NECTIN3: variants seen among roughly 807,000 people sequenced by gnomAD.
The protein encoded by NECTIN3 is nectin cell adhesion molecule 3, also known as nectin-3.
NECTIN3 carries 8 observed loss-of-function variants against 49.4 expected under a neutral mutation model. The ratio of observed to expected loss-of-function variants is 0.16; its 90% CI spans 0.10 to 0.29. The LOEUF is 0.29. NECTIN3 is among the 10% of genes least tolerant of loss of function. NECTIN3 has a pLI of 1.00. For missense variants in NECTIN3, 581 were observed against 654.6 expected (o/e 0.89, Z 1.23); for synonymous variants, 277 against 241.1 (o/e 1.15, Z -1.38).
upstream of NECTIN3, among the ~76,000 whole-genome samples, chr3:111,191,873 C>G (rs922081146): frequency 2.6e-5 from 4 of 152,114 alleles, no homozygotes; most frequent in East Asian, 1.9e-4. Flanking sequence ...GCTCTGTAGC[C>G]CAGGCTAGAG....
At chr3:111,101,239 A>C (rs770016244) in intron 1 of NECTIN3, among the ~76,000 whole-genome samples, 38 of 152,254 alleles carry the variant, frequency 2.5e-4, no homozygotes, top group Non-Finnish European at 3.7e-4. Context: ...TTGGTTGGTT[A>C]AATCAAGATA....
chr3:111,157,083 C>T (rs2035112460), intron 7 of NECTIN3, among the ~76,000 whole-genome samples: 1 of 152,112 alleles, frequency 6.6e-6, no homozygotes, highest in South Asian at 2.1e-4. Flanking sequence ...AAATGTTAAT[C>T]TTCAAATTCA....
chr3:111,162,063 T>A (rs2035223276), intron 7 of NECTIN3, among the ~76,000 whole-genome samples: 1 of 152,126 alleles, frequency 6.6e-6, no homozygotes, highest in African/African-American at 2.4e-5. Flanking sequence ...TCCCAACCCC[T>A]TAGGATCCCT....
At chr3:111,114,797 CATGG>C (rs1233340213) in intron 2 of NECTIN3, among the ~76,000 whole-genome samples, 2 of 152,004 alleles carry the variant, frequency 1.3e-5, no homozygotes, top group African/African-American at 4.8e-5. Flanking sequence ...TCCCTTTATA[CATGG>C]ATTTTTTTTT....
At chr3:111,091,798 A>C (rs1308946688) in intron 1 of NECTIN3, among the ~76,000 whole-genome samples, 1 of 152,066 alleles carries the variant, frequency 6.6e-6, no homozygotes, top group African/African-American at 2.4e-5. Context: ...ATATATTTTT[A>C]TTTCACTTGG....
chr3:111,085,021 T>G (rs1462367135), intron 1 of NECTIN3, among the ~76,000 whole-genome samples: 1 of 152,226 alleles, frequency 6.6e-6, no homozygotes, highest in Non-Finnish European at 1.5e-5. Flanking sequence ...TAGTTTCTGG[T>G]TGTGGCTGTG....
chr3:111,147,452 T>TC lies in NECTIN3; in HGVS notation c.1193dup (p.Pro399ThrfsTer11). ...ACCACCTCCTCTGTATGAAGAACGA[T>TC]CCCCACCTTTGCCTCAGAAAGACCT... On this transcript the variant is annotated frameshift_variant, in exon 7 of 9. Coordinates refer to the NECTIN3 transcript ENST00000493615. LOFTEE classifies it high-confidence loss of function. The TC allele has an allele frequency of 6.5e-7, 1 of 1,532,950 alleles. No individual in the cohort carries two copies. The highest frequency in any genetic ancestry group is 2.5e-5 in the East Asian group (1 of 40,764). The allele number at this position is 1,532,950 out of a possible 1,614,324, so 95.0% of individuals were successfully genotyped here.
chr3:111,072,427 A>C, intron 1 of NECTIN3: 7 of 1,531,076 alleles, frequency 4.6e-6, no homozygotes, highest in Non-Finnish European at 5.2e-6. Flanking sequence ...CGGATGGCCG[A>C]GGGTTGGCGA....
At chr3:111,137,769 C>CTTTTTTTTT (rs3081495), downstream of NECTIN3, among the ~76,000 whole-genome samples, 2 of 100,038 alleles carry the variant, frequency 2.0e-5, no homozygotes, top group African/African-American at 3.6e-5. Context: ...AAATTTTTTC[C>CTTTTTTTTT]TTTTTTTTTT....
chr3:111,192,471 T>A, intron 1 of NECTIN3: 1 of 1,403,718 alleles, frequency 7.1e-7, no homozygotes, highest in Non-Finnish European at 9.7e-7. Context: ...ACGTGCTTAT[T>A]AAAATATCAT....
At chr3:111,191,586 A>G (rs1259481967), upstream of NECTIN3, among the ~76,000 whole-genome samples, 1 of 151,286 alleles carries the variant, frequency 6.6e-6, no homozygotes, top group Non-Finnish European at 1.5e-5. Flanking sequence ...TCCCTTTGTA[A>G]TCTGTGTGGG....
At chr3:111,183,686 A>G (rs2035668968) in intron 7 of NECTIN3, among the ~76,000 whole-genome samples, 1 of 151,498 alleles carries the variant, frequency 6.6e-6, no homozygotes. Flanking sequence ...TTATAGTTTT[A>G]TTGTCTTCTG....
intron 1 of NECTIN3, chr3:111,077,171 C>T (rs1397128536): frequency 4.7e-6 from 2 of 427,832 alleles, no homozygotes; most frequent in Admixed American, 2.5e-5. Context: ...TTGAATTTTA[C>T]TTGTTTTCTT....
intron 4 of NECTIN3, 62 bp from the exon 5 acceptor site, chr3:111,126,122 C>T (rs1015327827): frequency 1.7e-6 from 2 of 1,181,678 alleles, no homozygotes; most frequent in African/African-American, 3.2e-5. Flanking sequence ...CTCATTTTAA[C>T]TAGCTGTCAA....
chr3:111,099,712 G>A (rs1479070274), intron 1 of NECTIN3, among the ~76,000 whole-genome samples: 1 of 152,092 alleles, frequency 6.6e-6, no homozygotes, highest in Admixed American at 6.6e-5. Flanking sequence ...CTATGGATCA[G>A]TCTGGCTCTA....
At chr3:111,107,140 A>G (rs1410921750) in intron 1 of NECTIN3, among the ~76,000 whole-genome samples, 1 of 151,992 alleles carries the variant, frequency 6.6e-6, no homozygotes, top group African/African-American at 2.4e-5. Flanking sequence ...TAAAAAACCC[A>G]TAGTAGTTAT....
intron 7 of NECTIN3, among the ~76,000 whole-genome samples, chr3:111,166,028 A>G (rs185895491): frequency 1.8e-4 from 27 of 152,236 alleles, no homozygotes; most frequent in African/African-American, 6.3e-4. Context: ...ACAATCCTCA[A>G]ATTTCAGGGA....
chr3:111,102,851 T>C (rs760705322), intron 1 of NECTIN3, among the ~76,000 whole-genome samples: 61 of 152,212 alleles, frequency 4.0e-4, no homozygotes, highest in Non-Finnish European at 7.9e-4. Flanking sequence ...TGTCTAGAAT[T>C]ATTTATTTGT....
intron 1 of NECTIN3, among the ~76,000 whole-genome samples, chr3:111,082,677 C>G (rs993267010): frequency 2.0e-5 from 3 of 152,148 alleles, no homozygotes; most frequent in Non-Finnish European, 4.4e-5. Flanking sequence ...ACAGTTTTCC[C>G]ATGGCCTGGG....
Sources: allele counts gnomAD v4.1 joint callset (sites outside exome capture counted in the v4.1 genomes callset), GRCh38; gene constraint gnomAD v4.1.1; transcripts MANE v1.5; gene names NCBI Gene and HGNC (gene_info 2026-07-23, HGNC 2026-07-21).